The following SMYD3 variants were observed in gnomAD, a reference collection of about 807,000 sequenced individuals.
SMYD3 encodes histone-lysine N-methyltransferase SMYD3.
In SMYD3, 36 loss-of-function variants were observed where a neutral mutation model predicts 57.7. The observed-to-expected ratio is 0.62, with a 90% CI of 0.48 to 0.82. The LOEUF is 0.82. Ranked by LOEUF, SMYD3 falls within the 40% of genes least tolerant of loss-of-function variation. SMYD3 has a pLI of 0.00. For synonymous variants in SMYD3, 211 were observed against 195.0 expected (o/e 1.08, Z -0.68); for missense variants, 515 against 538.8 (o/e 0.96, Z 0.44).
intron 1 of SMYD3, among the ~76,000 whole-genome samples, chr1:246,419,107 G>C (rs2067105192): frequency 6.6e-6 from 1 of 152,006 alleles, no homozygotes; most frequent in African/African-American, 2.4e-5. Context: ...CCACACTTGA[G>C]AATGTACTTT....
At chr1:245,801,862 AAAC>A (rs1465757838) in intron 10 of SMYD3, among the ~76,000 whole-genome samples, 1 of 152,188 alleles carries the variant, frequency 6.6e-6, no homozygotes, top group East Asian at 1.9e-4. Flanking sequence ...GGATCTACAA[AAAC>A]AACGACACAT....
At chr1:246,379,350 A>G (rs1476191987) in intron 1 of SMYD3, among the ~76,000 whole-genome samples, 1 of 152,124 alleles carries the variant, frequency 6.6e-6, no homozygotes, top group Non-Finnish European at 1.5e-5. Context: ...TATTATTAAG[A>G]TTTTTAAATT....
At chr1:246,242,599 A>T (rs999373526) in intron 5 of SMYD3, among the ~76,000 whole-genome samples, 1 of 152,190 alleles carries the variant, frequency 6.6e-6, no homozygotes, top group Non-Finnish European at 1.5e-5. Context: ...ACATAACAAT[A>T]TTAACCTTAA....
At chr1:245,931,603 T>G (rs1283294484) in intron 5 of SMYD3, among the ~76,000 whole-genome samples, 1 of 152,014 alleles carries the variant, frequency 6.6e-6, no homozygotes, top group African/African-American at 2.4e-5. Flanking sequence ...AGATATAAAT[T>G]TAGGATGAAA....
intron 5 of SMYD3, among the ~76,000 whole-genome samples, chr1:246,060,311 T>A (rs1278955791): frequency 6.6e-6 from 1 of 151,824 alleles, no homozygotes; most frequent in Non-Finnish European, 1.5e-5. Context: ...AGGTTGCGTT[T>A]TTTTTTTTAA....
At chr1:245,798,472 ATACAC>A (rs2047690075) in intron 10 of SMYD3, among the ~76,000 whole-genome samples, 4 of 30,742 alleles carry the variant, frequency 1.3e-4, no homozygotes, top group Non-Finnish European at 1.8e-4. Context: ...ATACACACAC[ATACAC>A]AACACACCAC....
intron 7 of SMYD3, among the ~76,000 whole-genome samples, chr1:245,925,679 C>T (rs2056322925): frequency 1.3e-5 from 2 of 152,056 alleles, no homozygotes; most frequent in Admixed American, 1.3e-4. Context: ...AATAGAGAGT[C>T]GATTCAACAA....
At chr1:246,073,627 A>G (rs1240838697) in intron 5 of SMYD3, among the ~76,000 whole-genome samples, 1 of 152,142 alleles carries the variant, frequency 6.6e-6, no homozygotes, top group Non-Finnish European at 1.5e-5. Flanking sequence ...TGAGGTGGAA[A>G]GATTGCTGGA....
intron 5 of SMYD3, among the ~76,000 whole-genome samples, chr1:245,965,056 GA>G (rs1284517977): frequency 2.6e-5 from 4 of 151,582 alleles, no homozygotes; most frequent in Admixed American, 2.0e-4. Context: ...CAAAGATAAA[GA>G]AAAAAAATAT....
rs72760811 is a variant in SMYD3, at chr1:246,443,649, T to A, written c.164+63405A>T. ...ATGGGCACAGGAACCTAACACCAAT[T>A]TTTTCACTTGTACATTTCCTAAAAG... On this transcript the variant is annotated intron_variant, in intron 1 of 11. Transcript: ENST00000490107. 7.0e-3 allele frequency among the ~76,000 whole-genome samples: 1,069 copies of A among 152,274 alleles called. 9 individuals carry two copies. The highest frequency in any genetic ancestry group is 1.0e-2 in the Non-Finnish European group (680 of 68,014).
intron 5 of SMYD3, among the ~76,000 whole-genome samples, chr1:246,022,288 A>G (rs1312969575): frequency 6.6e-6 from 1 of 152,234 alleles, no homozygotes; most frequent in East Asian, 1.9e-4. Context: ...TGCTCTCTCA[A>G]GCATCTCTAT....
intron 5 of SMYD3, among the ~76,000 whole-genome samples, chr1:246,007,330 G>A (rs1302703453): frequency 6.6e-6 from 1 of 152,198 alleles, no homozygotes; most frequent in Non-Finnish European, 1.5e-5. Context: ...CTTCCCAGAA[G>A]GGAAAGATTT....
intron 5 of SMYD3, among the ~76,000 whole-genome samples, chr1:246,199,042 G>T (rs2148353546): frequency 6.6e-6 from 1 of 152,244 alleles, no homozygotes; most frequent in East Asian, 1.9e-4. Flanking sequence ...GTGGCGCTGA[G>T]GCTTGGGGTA....
intron 5 of SMYD3, among the ~76,000 whole-genome samples, chr1:246,189,901 T>C (rs552326612): frequency 3.9e-5 from 6 of 152,212 alleles, no homozygotes; most frequent in South Asian, 2.1e-4. Context: ...AAAAGCAACA[T>C]GTACATTTCT....
intron 5 of SMYD3, among the ~76,000 whole-genome samples, chr1:245,960,311 G>C (rs1485682485): frequency 1.3e-5 from 2 of 152,196 alleles, no homozygotes; most frequent in Non-Finnish European, 2.9e-5. Flanking sequence ...CACAGGAAAA[G>C]ACTGATTCAC....
At chr1:246,125,688 G>A (rs965534619) in intron 5 of SMYD3, among the ~76,000 whole-genome samples, 1 of 152,118 alleles carries the variant, frequency 6.6e-6, no homozygotes, top group Non-Finnish European at 1.5e-5. Context: ...GTAAAGCTAA[G>A]AGGAATAAAA....
chr1:246,121,953 C>T (rs1255631608), intron 5 of SMYD3, among the ~76,000 whole-genome samples: 1 of 149,362 alleles, frequency 6.7e-6, no homozygotes, highest in Admixed American at 6.6e-5. Flanking sequence ...ACAACACCTA[C>T]ATCCTCTGGA....
At chr1:245,958,527 C>A (rs78950059) in intron 5 of SMYD3, among the ~76,000 whole-genome samples, 4,028 of 152,244 alleles carry the variant, frequency 0.026, 166 homozygotes, top group African/African-American at 0.09. Flanking sequence ...CAAAACTTAG[C>A]TCAAGGGTTG....
At chr1:246,029,723 C>A (rs2059636556) in intron 5 of SMYD3, among the ~76,000 whole-genome samples, 1 of 150,114 alleles carries the variant, frequency 6.7e-6, no homozygotes, top group Non-Finnish European at 1.5e-5. Flanking sequence ...ATGCAAATGG[C>A]CAGCAAATAT....
Sources: allele counts gnomAD v4.1 joint callset (sites outside exome capture counted in the v4.1 genomes callset), GRCh38; gene constraint gnomAD v4.1.1; transcripts MANE v1.5; gene names NCBI Gene and HGNC (gene_info 2026-07-23, HGNC 2026-07-21).